Variants in HCN1 observed in about 807,000 individuals in gnomAD.
The protein encoded by HCN1 is hyperpolarization activated cyclic nucleotide gated potassium channel 1.
Under a neutral mutation model 78.9 loss-of-function variants are expected in HCN1, and 13 were observed. The ratio of observed to expected loss-of-function variants is 0.16; its 90% CI spans 0.11 to 0.26. HCN1 has a LOEUF of 0.26. HCN1 is among the 10% of genes least tolerant of loss of function. The probability of loss-of-function intolerance (pLI) is 1.00; values close to 1 mark genes in which losing one functional copy is unlikely to be tolerated. For missense variants in HCN1, 810 were observed against 1,154.3 expected (o/e 0.70, Z 4.32); for synonymous variants, 552 against 455.5 (o/e 1.21, Z -2.70).
chr5:45,647,619 C>G (rs1745577099), intron 1 of HCN1, among the ~76,000 whole-genome samples: 1 of 152,142 alleles, frequency 6.6e-6, no homozygotes, highest in Non-Finnish European at 1.5e-5. Flanking sequence ...TTCCTATCTT[C>G]TAAGCCTCCT....
intron 5 of HCN1, among the ~76,000 whole-genome samples, chr5:45,337,106 C>G (rs747825195): frequency 6.6e-6 from 1 of 151,782 alleles, no homozygotes; most frequent in African/African-American, 2.4e-5. Context: ...ATTTGTATAC[C>G]CTCTATAATG....
At chr5:45,459,662 T>C (rs1741104457) in intron 3 of HCN1, among the ~76,000 whole-genome samples, 1 of 152,164 alleles carries the variant, frequency 6.6e-6, no homozygotes, top group African/African-American at 2.4e-5. Flanking sequence ...CTACCATATG[T>C]ACTTTATAGA....
At chr5:45,357,479 G>A (rs1416060832) in intron 4 of HCN1, among the ~76,000 whole-genome samples, 1 of 151,874 alleles carries the variant, frequency 6.6e-6, no homozygotes, top group Admixed American at 6.6e-5. Context: ...AATATTTTCT[G>A]AAATTCTTAG....
intron 1 of HCN1, among the ~76,000 whole-genome samples, chr5:45,673,114 A>G (rs1442838283): frequency 6.6e-6 from 1 of 151,362 alleles, no homozygotes; most frequent in African/African-American, 2.4e-5. Context: ...TTTCTTCTTG[A>G]TCACTTTCAC....
chr5:45,588,731 C>A (rs758909006), intron 2 of HCN1, among the ~76,000 whole-genome samples: 1 of 152,188 alleles, frequency 6.6e-6, no homozygotes, highest in Non-Finnish European at 1.5e-5. Flanking sequence ...GCCTTTCATA[C>A]CTGTCAGCAC....
At chr5:45,447,252 CT>C (rs1251380970) in intron 3 of HCN1, among the ~76,000 whole-genome samples, 1 of 151,596 alleles carries the variant, frequency 6.6e-6, no homozygotes, top group Non-Finnish European at 1.5e-5. Flanking sequence ...TCTTTTTTTT[CT>C]TTTTGAGACC....
At chr5:45,609,094 A>AG (rs1561218738) in intron 2 of HCN1, among the ~76,000 whole-genome samples, 1 of 152,114 alleles carries the variant, frequency 6.6e-6, no homozygotes, top group African/African-American at 2.4e-5. Context: ...AGAGGACATG[A>AG]GGCAACAGTA....
At chr5:45,306,561 C>G (rs1054245822) in intron 5 of HCN1, among the ~76,000 whole-genome samples, 4 of 152,068 alleles carry the variant, frequency 2.6e-5, no homozygotes, top group Non-Finnish European at 4.4e-5. Context: ...GGTAATGAGA[C>G]AGAATCTTCT....
At chr5:45,491,383 A>T (rs933889088) in intron 2 of HCN1, among the ~76,000 whole-genome samples, 1 of 152,128 alleles carries the variant, frequency 6.6e-6, no homozygotes, top group Non-Finnish European at 1.5e-5. Context: ...ACACTCTGTG[A>T]GTATATCATA....
chr5:45,279,270 A>G (rs1745117069), intron 6 of HCN1, among the ~76,000 whole-genome samples: 1 of 152,164 alleles, frequency 6.6e-6, no homozygotes, highest in Non-Finnish European at 1.5e-5. Flanking sequence ...GATAAAAAGG[A>G]CACCAGGAAA....
intron 5 of HCN1, among the ~76,000 whole-genome samples, chr5:45,325,401 A>C (rs1276600888): frequency 6.6e-6 from 1 of 151,754 alleles, no homozygotes; most frequent in Non-Finnish European, 1.5e-5. Flanking sequence ...AAAGCTACAT[A>C]TGTATATATT....
intron 6 of HCN1, among the ~76,000 whole-genome samples, chr5:45,294,604 AC>A (rs1745451424): frequency 1.3e-5 from 2 of 151,952 alleles, no homozygotes; most frequent in South Asian, 4.1e-4. Flanking sequence ...AGAAAAACAA[AC>A]TTTTCTTTAA....
At chr5:45,595,332 T>C (rs1350056788) in intron 2 of HCN1, among the ~76,000 whole-genome samples, 1 of 152,144 alleles carries the variant, frequency 6.6e-6, no homozygotes, top group African/African-American at 2.4e-5. Flanking sequence ...AATTTGATGC[T>C]CAAACACCCT....
chr5:45,376,004 T>TC, intron 4 of HCN1, among the ~76,000 whole-genome samples: 1 of 117,644 alleles, frequency 8.5e-6, no homozygotes, highest in East Asian at 2.4e-4. Context: ...TAATATTTTA[T>TC]AATATTTTAT....
chr5:45,647,276 G>A (rs1405707413), intron 1 of HCN1, among the ~76,000 whole-genome samples: 1 of 152,146 alleles, frequency 6.6e-6, no homozygotes, highest in Non-Finnish European at 1.5e-5. Context: ...CAATGGAAAT[G>A]CAAAATATAC....
At chr5:45,272,789 G>C (rs1347773207) in intron 6 of HCN1, among the ~76,000 whole-genome samples, 2 of 151,700 alleles carry the variant, frequency 1.3e-5, no homozygotes, top group Non-Finnish European at 2.9e-5. Context: ...TTACTCATCA[G>C]GAAGAAAATT....
At chr5:45,467,884 T>C (rs1320849163) in intron 2 of HCN1, among the ~76,000 whole-genome samples, 1 of 152,166 alleles carries the variant, frequency 6.6e-6, no homozygotes, top group Admixed American at 6.6e-5. Context: ...ATTTTCCTAA[T>C]TCTTTTTTTC....
At chr5:45,431,662 T>A (rs1447804097) in intron 3 of HCN1, among the ~76,000 whole-genome samples, 1 of 152,194 alleles carries the variant, frequency 6.6e-6, no homozygotes, top group Non-Finnish European at 1.5e-5. Context: ...GGCTAACCAA[T>A]TATCCCCAAA....
intron 5 of HCN1, among the ~76,000 whole-genome samples, chr5:45,345,574 C>A (rs1259424364): frequency 6.6e-6 from 1 of 152,190 alleles, no homozygotes; most frequent in Admixed American, 6.5e-5. Flanking sequence ...CCACAAAGAT[C>A]TCTATGGCAG....
Sources: gnomAD v4.1 joint callset for allele counts (sites outside exome capture counted in the v4.1 genomes callset) on GRCh38, gnomAD v4.1.1 for gene constraint, MANE v1.5 for transcripts, NCBI Gene and HGNC (gene_info 2026-07-23, HGNC 2026-07-21) for gene names.